COLGALT2: variants seen among roughly 807,000 people sequenced by gnomAD.
COLGALT2 encodes collagen beta(1-O)galactosyltransferase 2.
COLGALT2 carries 49 observed loss-of-function variants against 73.4 expected under a neutral mutation model. The observed-to-expected ratio is 0.67, with a 90% confidence interval of 0.53 to 0.85. The LOEUF is 0.85. Among genes scored for constraint, COLGALT2 ranks in the 40% least tolerant of loss-of-function variants. The pLI, the probability that COLGALT2 is intolerant of heterozygous loss-of-function variation, is 0.00. For synonymous variants in COLGALT2, 295 were observed against 307.6 expected (o/e 0.96, Z 0.43); for missense variants, 722 against 790.2 (o/e 0.91, Z 1.03).
At chr1:183,988,731 A>G (rs1671554283) in intron 1 of COLGALT2, among the ~76,000 whole-genome samples, 1 of 152,106 alleles carries the variant, frequency 6.6e-6, no homozygotes, top group Non-Finnish European at 1.5e-5. Flanking sequence ...TTGTTTATTC[A>G]TTTATCAGTT....
At position 183,970,785 on chromosome 1, in the gene COLGALT2, C is replaced by A. The variant is rs1459350282; in HGVS notation, c.628-1312G>T. On this transcript the variant is annotated intron_variant, in intron 4 of 11. Transcript: ENST00000361927. ...AAGGTCTATGAACCTATTTTGGGAA[C>A]TGCAATTCATTATATGAAGTATTAT... is the stretch of plus-strand genomic sequence containing the variant. Among the ~76,000 whole-genome samples, 3 of 152,188 alleles carry A rather than the reference C, an allele frequency of 2.0e-5. No individual in the cohort carries two copies. In the East Asian group the frequency reaches 5.8e-4, roughly 29 times the overall value.
At chr1:183,984,151 G>C (rs921738058) in intron 1 of COLGALT2, among the ~76,000 whole-genome samples, 1 of 152,252 alleles carries the variant, frequency 6.6e-6, no homozygotes, top group Non-Finnish European at 1.5e-5. Flanking sequence ...GCTCACGCCT[G>C]TAATCCCAGC....
intron 3 of COLGALT2, among the ~76,000 whole-genome samples, chr1:183,974,848 A>G (rs1413662307): frequency 6.6e-6 from 1 of 152,214 alleles, no homozygotes; most frequent in Non-Finnish European, 1.5e-5. Flanking sequence ...TGCCTGTTGC[A>G]TGGCAGAGAC....
chr1:184,001,906 A>G (rs928658060), intron 1 of COLGALT2, among the ~76,000 whole-genome samples: 4 of 152,262 alleles, frequency 2.6e-5, no homozygotes, highest in African/African-American at 9.6e-5. Flanking sequence ...GGAATATCCC[A>G]CAGGTCTAAA....
At chr1:183,980,566 A>G (rs1328490428) in intron 1 of COLGALT2, among the ~76,000 whole-genome samples, 103 of 152,240 alleles carry the variant, frequency 6.8e-4, no homozygotes. Flanking sequence ...AGAAGAGAGT[A>G]AACAGGAAAA....
chr1:183,985,223 C>T (rs192418273), intron 1 of COLGALT2, among the ~76,000 whole-genome samples: 74 of 152,282 alleles, frequency 4.9e-4, no homozygotes, highest in African/African-American at 1.7e-3. Context: ...AAGATGAAGA[C>T]TGGATCTCTC....
chr1:183,958,157 A>G (rs930831388), intron 6 of COLGALT2, among the ~76,000 whole-genome samples: 2 of 152,198 alleles, frequency 1.3e-5, no homozygotes, highest in East Asian at 1.9e-4. Flanking sequence ...AGAGATGGGC[A>G]CAGTGCTTTT....
chr1:184,000,879 G>A lies in COLGALT2; in HGVS notation c.264-22359C>T, dbSNP rs556194510. On this transcript the variant is annotated intron_variant, in intron 1 of 11. Transcript: ENST00000361927. The stretch of plus-strand genomic sequence containing the variant: ...GAGTCTCGCTCTGTCGCCCAGGCTG[G>A]AGTGCAGTGGAGCGATCTCGGCTCA... Among the ~76,000 whole-genome samples, 26 of 148,352 alleles carry A rather than the reference G, an allele frequency of 1.8e-4. 1 individual carries two copies. In the South Asian group the frequency reaches 5.6e-3, roughly 32 times the overall value.
chr1:183,983,477 A>C (rs1054922995), intron 1 of COLGALT2, among the ~76,000 whole-genome samples: 1 of 152,242 alleles, frequency 6.6e-6, no homozygotes, highest in Non-Finnish European at 1.5e-5. Flanking sequence ...AAAGCAACAC[A>C]GGCCCTGGGC....
downstream of COLGALT2, among the ~76,000 whole-genome samples, chr1:183,931,393 A>G (rs1669840738): frequency 6.6e-6 from 1 of 152,142 alleles, no homozygotes; most frequent in Non-Finnish European, 1.5e-5. Context: ...GCCACCTACT[A>G]TCCTGAGCAT....
rs1669952881 is a variant in COLGALT2 at position 183,936,331 on chromosome 1, C to T, written c.*2430G>A. 4 of 979,608 alleles carry T rather than the reference C, an allele frequency of 4.1e-6. No individual in the cohort carries two copies. Among genetic ancestry groups the T allele is most frequent in the Admixed American group, 6.4e-5 (1 of 15,516 alleles). The allele number at this position is 979,608 out of a possible 1,614,324, so 60.7% of individuals were successfully genotyped here. A position where few individuals can be genotyped will look rare whatever the true frequency, so the allele number is the denominator to read the frequency against. On this transcript the variant is annotated 3_prime_UTR_variant, in exon 12 of 12. Transcript: ENST00000361927. ...GACTTTAAAAAAAAAGTCACATCTG[C>T]GGCTCACAGTGTTCACCAGAAAAGA...
Position 184,037,184 on chromosome 1 carries a change from C to A in COLGALT2, c.174G>T (p.Ala58=), listed in dbSNP as rs767430903. 8.7e-6 allele frequency: 14 copies of A among 1,604,818 alleles called. No homozygotes were observed. In the East Asian group the frequency reaches 2.5e-4, roughly 28 times the overall value. The change falls in exon 1 of 12, where the codon GCG becomes GCT. Residue 58 remains alanine, a synonymous_variant. Transcript: ENST00000361927. ...TGTGCGCCGCGTTGCGGGCGAGGAC[C>A]GCCACGAGCACCGTGGGGCTCTGCA... is the stretch of plus-strand genomic sequence containing the variant. ...SPLQSPTVLV[A]VLARNAAHTL...
chr1:184,024,684 A>AT (rs1330935233), intron 1 of COLGALT2, among the ~76,000 whole-genome samples: 2 of 145,446 alleles, frequency 1.4e-5, no homozygotes, highest in African/African-American at 2.5e-5. Context: ...CTGAGCAGAG[A>AT]TAAAAATTAG....
intron 1 of COLGALT2, among the ~76,000 whole-genome samples, chr1:184,033,101 A>C (rs965872653): frequency 1.3e-5 from 2 of 152,254 alleles, no homozygotes; most frequent in African/African-American, 4.8e-5. Context: ...TTGTGCCTGC[A>C]CAGACTCTGT....
intron 1 of COLGALT2, among the ~76,000 whole-genome samples, chr1:183,996,600 C>T (rs990657319): frequency 6.6e-6 from 1 of 152,214 alleles, no homozygotes; most frequent in African/African-American, 2.4e-5. Flanking sequence ...AGTTCCCCAC[C>T]TCGTGAACAA....
chr1:183,990,250 G>T (rs907039613), intron 1 of COLGALT2, among the ~76,000 whole-genome samples: 1 of 152,158 alleles, frequency 6.6e-6, no homozygotes, highest in African/African-American at 2.4e-5. Context: ...CATTCTTAAC[G>T]CTTAGAACAG....
chr1:183,978,373 AAAT>A (rs761238079), intron 2 of COLGALT2, 34 bp downstream of exon 2: 5 of 1,155,182 alleles, frequency 4.3e-6, no homozygotes, highest in Non-Finnish European at 6.5e-6. Flanking sequence ...GAGGAAGGGT[AAAT>A]AATGAGTTTA....
chr1:184,001,887 G>A (rs940667152), intron 1 of COLGALT2, among the ~76,000 whole-genome samples: 1 of 152,214 alleles, frequency 6.6e-6, no homozygotes, highest in African/African-American at 2.4e-5. Flanking sequence ...AAATCCTTAG[G>A]TGTAGTTGGG....
intron 1 of COLGALT2, among the ~76,000 whole-genome samples, chr1:183,999,345 T>C (rs1411746459): frequency 1.3e-5 from 2 of 152,150 alleles, no homozygotes; most frequent in African/African-American, 2.4e-5. Context: ...TGCTATGTTG[T>C]CGGATTTGGT....
Sources: gnomAD v4.1 joint callset for allele counts (sites outside exome capture counted in the v4.1 genomes callset) on GRCh38, gnomAD v4.1.1 for gene constraint, MANE v1.5 for transcripts, NCBI Gene and HGNC (gene_info 2026-07-23, HGNC 2026-07-21) for gene names.